Variants in PLCB4 observed in about 807,000 individuals in gnomAD.
PLCB4 encodes the protein phospholipase C beta 4, also known as 1-phosphatidylinositol 4,5-bisphosphate phosphodiesterase beta-4.
A neutral mutation model predicts 178.8 loss-of-function variants in PLCB4; 77 were observed. The observed-to-expected ratio is 0.43, with a 90% CI of 0.36 to 0.52. PLCB4 has a LOEUF of 0.52. Ranked by LOEUF, PLCB4 falls within the 20% of genes least tolerant of loss-of-function variation. The pLI is 0.00. For synonymous variants in PLCB4, 496 were observed against 490.8 expected (o/e 1.01, Z -0.14); for missense variants, 1,024 against 1,453.4 (o/e 0.70, Z 4.80).
At chr20:9,331,229 C>T (rs2031596344) in intron 4 of PLCB4, among the ~76,000 whole-genome samples, 1 of 152,204 alleles carries the variant, frequency 6.6e-6, no homozygotes, top group African/African-American at 2.4e-5. Flanking sequence ...TGAATGCCTA[C>T]TCCATTTCAC....
intron 30 of PLCB4, among the ~76,000 whole-genome samples, chr20:9,439,777 G>A (rs1020925191): frequency 6.6e-6 from 1 of 152,198 alleles, no homozygotes; most frequent in African/African-American, 2.4e-5. Context: ...TTAGGGAGTT[G>A]CAAGCCTGAA....
chr20:9,163,034 G>C (rs991615686), intron 2 of PLCB4, among the ~76,000 whole-genome samples: 1 of 152,122 alleles, frequency 6.6e-6, no homozygotes. Context: ...CCTGGGGATG[G>C]GAATAGATGC....
chr20:9,389,136 G>A (rs1445228464), intron 15 of PLCB4, among the ~76,000 whole-genome samples: 2 of 152,106 alleles, frequency 1.3e-5, no homozygotes, highest in Admixed American at 1.3e-4. Flanking sequence ...AAGCAGAGAC[G>A]GGGCCAACCA....
At chr20:9,254,106 C>T (rs761173591) in intron 3 of PLCB4, among the ~76,000 whole-genome samples, 7 of 152,216 alleles carry the variant, frequency 4.6e-5, no homozygotes, top group Non-Finnish European at 8.8e-5. Flanking sequence ...GTGCAGTATA[C>T]ATTTCCATGA....
chr20:9,147,707 A>G (rs958918355), intron 2 of PLCB4, among the ~76,000 whole-genome samples: 1 of 152,166 alleles, frequency 6.6e-6, no homozygotes, highest in Non-Finnish European at 1.5e-5. Context: ...AGGAGCAAGA[A>G]TGAGAACAAA....
At chr20:9,290,168 GAAAAAAAAAACCAA>G (rs1040846531) in intron 3 of PLCB4, among the ~76,000 whole-genome samples, 20 of 110,558 alleles carry the variant, frequency 1.8e-4, no homozygotes, top group African/African-American at 7.1e-4. Context: ...TATCCTTTCA[GAAAAAAAAAACCAA>G]AAAAAAAAAA....
intron 3 of PLCB4, among the ~76,000 whole-genome samples, chr20:9,255,115 G>C (rs2094220015): frequency 1.3e-5 from 2 of 152,278 alleles, no homozygotes; most frequent in Middle Eastern, 3.4e-3. Context: ...CTATAGATAA[G>C]ACATGGATGT....
chr20:9,276,569 A>C (rs1263609328), intron 3 of PLCB4, among the ~76,000 whole-genome samples: 1 of 152,048 alleles, frequency 6.6e-6, no homozygotes, highest in Non-Finnish European at 1.5e-5. Flanking sequence ...TTTCATTTGC[A>C]AAGCAGTGAA....
chr20:9,132,309 G>T (rs1330288747), intron 2 of PLCB4, among the ~76,000 whole-genome samples: 2 of 146,908 alleles, frequency 1.4e-5, no homozygotes, highest in African/African-American at 5.1e-5. Flanking sequence ...TGTGTGTGTG[G>T]TTGTTAAATT....
At chr20:9,158,401 G>T (rs912520118) in intron 2 of PLCB4, among the ~76,000 whole-genome samples, 10 of 151,042 alleles carry the variant, frequency 6.6e-5, no homozygotes, top group Non-Finnish European at 1.2e-4. Context: ...AAGTAGCTGA[G>T]ACTATGGGCA....
chr20:9,127,683 T>TCC (rs1568801019), intron 2 of PLCB4, among the ~76,000 whole-genome samples: 26 of 65,706 alleles, frequency 4.0e-4, no homozygotes, highest in Admixed American at 1.3e-3. Context: ...TCTATCTATC[T>TCC]ATCCATCCAT....
At chr20:9,452,220 T>C (rs1481371596) in intron 32 of PLCB4, among the ~76,000 whole-genome samples, 2 of 152,232 alleles carry the variant, frequency 1.3e-5, no homozygotes, top group Non-Finnish European at 2.9e-5. Flanking sequence ...AAGGAAGTCT[T>C]GGTAAAGACT....
intron 2 of PLCB4, among the ~76,000 whole-genome samples, chr20:9,122,652 T>C (rs1329361523): frequency 6.6e-6 from 1 of 152,180 alleles, no homozygotes; most frequent in Non-Finnish European, 1.5e-5. Context: ...TCAGTTTTGC[T>C]TGATGCAGGC....
rs554509234 is a variant in PLCB4 at position 9,095,063 on chromosome 20, T to G, written c.-134-1224T>G. The stretch of plus-strand genomic sequence containing the variant: ...GGGGAGTCCACATGGGGCATTGGTG[T>G]TGCTCTGAAGGAGAGAGGTTCTGCA... On this transcript the variant is annotated intron_variant, in intron 1 of 39. Coordinates refer to ENST00000378473, the MANE Select transcript of PLCB4 (RefSeq NM_001377142.1). 3.1e-3 allele frequency among the ~76,000 whole-genome samples: 470 copies of G among 152,268 alleles called. 2 individuals are homozygous for G. Among genetic ancestry groups the G allele is most frequent in the African/African-American group, 0.01 (423 of 41,534 alleles).
At chr20:9,223,276 T>A (rs2093821814) in intron 3 of PLCB4, among the ~76,000 whole-genome samples, 1 of 152,098 alleles carries the variant, frequency 6.6e-6, no homozygotes, top group South Asian at 2.1e-4. Flanking sequence ...GATACCAGAC[T>A]CAAAGAGTCG....
At chr20:9,085,092 C>A (rs4816121) in intron 1 of PLCB4, among the ~76,000 whole-genome samples, 72,332 of 148,984 alleles carry the variant, frequency 0.49, 18,129 homozygotes, top group Middle Eastern at 0.57. Context: ...TTTCTTTTTC[C>A]AATATTATTA....
intron 32 of PLCB4, among the ~76,000 whole-genome samples, chr20:9,448,983 A>G (rs1172710423): frequency 6.6e-6 from 1 of 152,176 alleles, no homozygotes; most frequent in African/African-American, 2.4e-5. Context: ...CCCCAGATGG[A>G]TATAAAAATG....
At chr20:9,367,891 C>T (rs1347925496) in intron 9 of PLCB4, among the ~76,000 whole-genome samples, 1 of 152,158 alleles carries the variant, frequency 6.6e-6, no homozygotes, top group Non-Finnish European at 1.5e-5. Flanking sequence ...GACATGGACT[C>T]CATGGTGCTT....
intron 35 of PLCB4, among the ~76,000 whole-genome samples, chr20:9,466,962 A>G (rs527397212): frequency 6.6e-6 from 1 of 152,200 alleles, no homozygotes; most frequent in Admixed American, 6.5e-5. Flanking sequence ...CCATGCTACT[A>G]TAAAGACACA....
Sources: gnomAD v4.1 joint callset for allele counts (sites outside exome capture counted in the v4.1 genomes callset) on GRCh38, gnomAD v4.1.1 for gene constraint, MANE v1.5 for transcripts, NCBI Gene and HGNC (gene_info 2026-07-23, HGNC 2026-07-21) for gene names.